CLCA1: variants seen among roughly 807,000 people sequenced by gnomAD.
CLCA1 encodes the protein chloride channel accessory 1, also known as calcium-activated chloride channel regulator 1.
In CLCA1, 59 loss-of-function variants were observed where a neutral mutation model predicts 85.6. The observed-to-expected ratio is 0.69, with a 90% CI of 0.56 to 0.86. The LOEUF (loss-of-function observed/expected upper bound fraction) is 0.86, where lower values mean the gene tolerates loss of function less well. Among genes scored for constraint, CLCA1 ranks in the 40% least tolerant of loss-of-function variants. The pLI is 0.00. For missense variants in CLCA1, 1,022 were observed against 1,101.4 expected (o/e 0.93, Z 1.02); for synonymous variants, 396 against 398.3 (o/e 0.99, Z 0.07).
intron 3 of CLCA1, among the ~76,000 whole-genome samples, chr1:86,475,768 A>T (rs1647623280): frequency 6.6e-6 from 1 of 152,194 alleles, no homozygotes; most frequent in South Asian, 2.1e-4. Flanking sequence ...GAAAAAAAGG[A>T]GTTCAGGAAT....
chr1:86,474,869 AT>A (rs1205090356), intron 3 of CLCA1, among the ~76,000 whole-genome samples: 1 of 152,206 alleles, frequency 6.6e-6, no homozygotes, highest in African/African-American at 2.4e-5. Context: ...AATAACTAGC[AT>A]TAGATTTCTT....
intron 13 of CLCA1, 43 bp from the exon 14 acceptor site, chr1:86,499,611 A>G (rs748249673): frequency 1.3e-5 from 17 of 1,310,646 alleles, no homozygotes; most frequent in Non-Finnish European, 1.1e-5. Context: ...AAGTTTCTTT[A>G]ATATTTCAGA....
At chr1:86,469,385 G>A (rs1049686626) in intron 1 of CLCA1, among the ~76,000 whole-genome samples, 1 of 152,202 alleles carries the variant, frequency 6.6e-6, no homozygotes, top group Non-Finnish European at 1.5e-5. Context: ...AAATTGATAT[G>A]TACTGCTGTG....
chr1:86,499,842 G>T lies in CLCA1; in HGVS notation c.2542G>T (p.Asp848Tyr), dbSNP rs757375165. 2 of 1,613,274 alleles carry T rather than the reference G, an allele frequency of 1.2e-6. No homozygotes were observed. The highest frequency in any genetic ancestry group is 1.3e-5 in the African/African-American group (1 of 74,898). The change falls in exon 14 of 14, where the codon GAT becomes TAT. Residue 848 changes from aspartate to tyrosine, a missense_variant. Asp to Tyr is a radical substitution (Grantham distance 160, BLOSUM62 -3). Transcript: ENST00000394711. ...TDLFIAIQAV[D>Y]KVDLKSEISN... is the part of the protein sequence containing the mutation. ...TCTTTTCATTGCTATTCAGGCTGTTGATAAGGTCGATCTGAAATCAGAAAT... is the reference window on the plus strand; with the variant it reads ...TCTTTTCATTGCTATTCAGGCTGTTTATAAGGTCGATCTGAAATCAGAAAT...
rs1449829131 is a variant in CLCA1 at position 86,491,290 on chromosome 1, T to A, written c.1383T>A (p.Asp461Glu). 1 of 1,613,376 alleles carries A rather than the reference T, an allele frequency of 6.2e-7. No individual in the cohort carries two copies. Among genetic ancestry groups the A allele is most frequent in the Non-Finnish European group, 8.5e-7 (1 of 1,179,566 alleles). Reference protein sequence around the residue: ...MTGGLQTYASDQVQNNGLIDA... With the variant: ...MTGGLQTYASEQVQNNGLIDA... The stretch of plus-strand genomic sequence containing the variant: ...GAGGTTTACAGACATATGCTTCAGA[T>A]CAAGTTCAGAACAATGGCCTCATTG... The change falls in exon 9 of 14, where the codon GAT becomes GAA. Residue 461 changes from aspartate to glutamate, a missense_variant. Transcript: ENST00000394711.
chr1:86,482,424 A>G (rs1647844766), intron 5 of CLCA1, 42 bp downstream of exon 5: 10 of 1,569,808 alleles, frequency 6.4e-6, no homozygotes, highest in Non-Finnish European at 7.8e-6. Context: ...ATTCTTATGA[A>G]TTTAGTGAGG....
Position 86,485,530 on chromosome 1 carries a change from G to A in CLCA1, c.923G>A (p.Cys308Tyr). 1 of 1,614,152 alleles carries A rather than the reference G, an allele frequency of 6.2e-7. No individual in the cohort carries two copies. Among genetic ancestry groups the A allele is most frequent in the Non-Finnish European group, 8.5e-7 (1 of 1,180,014 alleles). Residue 308 changes from cysteine (C) to tyrosine (Y), a missense_variant, in exon 6 of 14, where the codon TGT (cysteine) becomes TAT (tyrosine). Coordinates refer to ENST00000394711, the MANE Select transcript of CLCA1 (RefSeq NM_001285.4). ...SLLQIGQRIVCLVLDKSGSMA... is the reference protein window; with the variant it reads ...SLLQIGQRIVYLVLDKSGSMA... ...CTGCAGATTGGACAAAGAATTGTGT[G>A]TTTAGTCCTTGACAAATCTGGAAGC...
chr1:86,497,449 T>C (rs576984156), intron 12 of CLCA1, among the ~76,000 whole-genome samples: 1 of 152,368 alleles, frequency 6.6e-6, no homozygotes, highest in African/African-American at 2.4e-5. Flanking sequence ...TCTTATGAGA[T>C]ATTTTTATTG....
intron 7 of CLCA1, among the ~76,000 whole-genome samples, chr1:86,488,381 T>C (rs1443143778): frequency 3.9e-5 from 6 of 152,152 alleles, no homozygotes; most frequent in Non-Finnish European, 5.9e-5. Context: ...AAAAAATAAA[T>C]AAATAATCCA....
Position 86,473,780 on chromosome 1 carries a change from A to G in CLCA1, c.355A>G (p.Thr119Ala), listed in dbSNP as rs753409667. ...TCCTCCAGGTAATGATGAACCCTAC[A>G]CTGAGCAGATGGGCAACTGTGGAGA... is the stretch of plus-strand genomic sequence containing the variant. ...STPPGNDEPY[T>A]EQMGNCGEKG... Residue 119 changes from threonine (T) to alanine (A), a missense_variant, in exon 3 of 14, where the codon ACT (threonine) becomes GCT (alanine). Coordinates refer to ENST00000394711, the MANE Select transcript of CLCA1 (RefSeq NM_001285.4). The G allele has an allele frequency of 6.2e-7, 1 of 1,612,996 alleles. No homozygotes were observed. The highest frequency in any genetic ancestry group is 1.7e-5 in the Admixed American group (1 of 59,884).
intron 4 of CLCA1, among the ~76,000 whole-genome samples, chr1:86,477,831 T>C (rs1043287976): frequency 6.6e-6 from 1 of 152,232 alleles, no homozygotes; most frequent in Non-Finnish European, 1.5e-5. Context: ...CGCACACTTA[T>C]TCCTGCATTT....
chr1:86,471,872 C>G (rs1647507414), intron 1 of CLCA1, among the ~76,000 whole-genome samples: 1 of 152,070 alleles, frequency 6.6e-6, no homozygotes, highest in Non-Finnish European at 1.5e-5. Flanking sequence ...GCAGGACTTA[C>G]CCGTGCACTA....
Position 86,498,598 on chromosome 1 carries a change from C to G in CLCA1, c.2140C>G (p.Pro714Ala), listed in dbSNP as rs773071476. 1.2e-6 allele frequency: 2 copies of G among 1,613,356 alleles called. No individual in the cohort carries two copies. Among genetic ancestry groups the G allele is most frequent in the African/African-American group, 2.7e-5 (2 of 74,774 alleles). Reference protein sequence around the residue: ...NDEIQWNPPRPEINKDDVQHK... With the variant: ...NDEIQWNPPRAEINKDDVQHK... ...TGAAATACAATGGAATCCACCAAGA[C>G]CTGAAATTAATAAGGATGATGTTCA... The change falls in exon 13 of 14, where the codon CCT (proline) becomes GCT (alanine). Residue 714 changes from proline (P) to alanine (A), a missense_variant. By Grantham distance (27) the Pro-to-Ala change is conservative (BLOSUM62 -1). Transcript: ENST00000394711.
At chr1:86,473,023 C>T (rs2791516) in intron 1 of CLCA1, among the ~76,000 whole-genome samples, 99,449 of 152,068 alleles carry the variant, frequency 0.65, 32,799 homozygotes, top group East Asian at 0.86. Flanking sequence ...CTTGCTTGTG[C>T]GAAGTAAACA....
rs895528440 is a variant in CLCA1, at chr1:86,491,210, G to A, written c.1358-55G>A. Reference sequence around the variant, plus strand: ...ATGCTCTCTAAACAACAGCTAAAATGTTGCAAATAGTTGCTTTCTGGAAAA... The same window carrying A: ...ATGCTCTCTAAACAACAGCTAAAATATTGCAAATAGTTGCTTTCTGGAAAA... On this transcript the variant is annotated intron_variant, in intron 8 of 13. Transcript: ENST00000394711. The A allele has an allele frequency of 3.1e-6, 4 of 1,279,496 alleles. No homozygotes were observed. The African/African-American group carries it at 4.4e-5, about 14-fold the overall frequency. 79.3% of individuals were successfully genotyped at this position (1,279,496 alleles called of 1,614,324 possible). A position where few individuals can be genotyped will look rare whatever the true frequency, so the allele number is the denominator to read the frequency against.
At chr1:86,472,433 C>A (rs1238732672) in intron 1 of CLCA1, among the ~76,000 whole-genome samples, 1 of 152,186 alleles carries the variant, frequency 6.6e-6, no homozygotes, top group Non-Finnish European at 1.5e-5. Context: ...CCTCCTCTTT[C>A]TACCTCTGAA....
chr1:86,487,162 G>C (rs1335960100), intron 7 of CLCA1, among the ~76,000 whole-genome samples: 1 of 152,180 alleles, frequency 6.6e-6, no homozygotes, highest in Non-Finnish European at 1.5e-5. Context: ...TCAGTTCCCT[G>C]AAAGTGGTTT....
At position 86,495,610 on chromosome 1, in the gene CLCA1, C is replaced by T. The variant is rs1027900665; in HGVS notation, c.2048C>T (p.Ala683Val). The T allele has an allele frequency of 1.2e-6, 2 of 1,614,120 alleles. No homozygotes were observed. The highest frequency in any genetic ancestry group is 2.2e-5 in the East Asian group (1 of 44,884). ...VKVRALGGVN[A>V]ARRRVIPQQS... ...GTGCGGGCTCTGGGAGGAGTTAACG[C>T]AGCCAGACGGAGAGTGATACCCCAG... The change falls in exon 12 of 14, where the codon GCA becomes GTA. Residue 683 changes from alanine (A) to valine (V), a missense_variant. By Grantham distance (64) the Ala-to-Val change is moderately conservative. Transcript: ENST00000394711.
intron 6 of CLCA1, among the ~76,000 whole-genome samples, chr1:86,486,165 G>T (rs1647964858): frequency 6.6e-6 from 1 of 152,080 alleles, no homozygotes; most frequent in African/African-American, 2.4e-5. Context: ...CTCCCACCAG[G>T]TCCCTCCCTC....
Sources: gnomAD v4.1 joint callset for allele counts (sites outside exome capture counted in the v4.1 genomes callset) on GRCh38, gnomAD v4.1.1 for gene constraint, MANE v1.5 for transcripts, NCBI Gene and HGNC (gene_info 2026-07-23, HGNC 2026-07-21) for gene names.